Variants in SCAI observed in about 807,000 individuals in gnomAD.
SCAI encodes suppressor of cancer cell invasion.
In SCAI, 24 loss-of-function variants were observed where a neutral mutation model predicts 92.2. The observed-to-expected ratio is 0.26, with a 90% CI of 0.19 to 0.37. The LOEUF is 0.37. Ranked by LOEUF, SCAI falls within the 10% of genes least tolerant of loss-of-function variation. The probability of loss-of-function intolerance (pLI) is 1.00; values close to 1 mark genes in which losing one functional copy is unlikely to be tolerated. For missense variants in SCAI, 450 were observed against 736.2 expected (o/e 0.61, Z 4.50); for synonymous variants, 261 against 258.6 (o/e 1.01, Z -0.09).
intron 3 of SCAI, among the ~76,000 whole-genome samples, chr9:125,045,311 C>T (rs965425881): frequency 1.2e-4 from 19 of 152,220 alleles, no homozygotes; most frequent in African/African-American, 4.6e-4. Flanking sequence ...AGTGATCTGC[C>T]TACCTCAGCC....
intron 2 of SCAI, among the ~76,000 whole-genome samples, chr9:125,126,897 A>G (rs756692183): frequency 4.6e-5 from 7 of 152,224 alleles, no homozygotes; most frequent in Non-Finnish European, 7.3e-5. Flanking sequence ...CCCCAAGATG[A>G]TAGTCCTATT....
At chr9:124,984,469 G>T (rs1831947485) in intron 14 of SCAI, among the ~76,000 whole-genome samples, 1 of 152,230 alleles carries the variant, frequency 6.6e-6, no homozygotes, top group Admixed American at 6.5e-5. Context: ...TCAGGTGAAT[G>T]ATGATGGTGG....
intron 7 of SCAI, 86 bp from the exon 8 acceptor site, chr9:125,019,291 G>A (rs901506512): frequency 1.8e-4 from 131 of 712,256 alleles, no homozygotes; most frequent in Admixed American, 5.3e-4. Flanking sequence ...GACAGAAACC[G>A]ACATACTTAC....
At chr9:125,097,006 A>T (rs1834570963) in intron 2 of SCAI, among the ~76,000 whole-genome samples, 1 of 152,240 alleles carries the variant, frequency 6.6e-6, no homozygotes, top group Admixed American at 6.5e-5. Context: ...AAGTAGGGAA[A>T]GAATTTTAAA....
intron 2 of SCAI, among the ~76,000 whole-genome samples, chr9:125,133,456 C>G (rs1352275117): frequency 1.3e-5 from 2 of 152,064 alleles, no homozygotes; most frequent in Non-Finnish European, 1.5e-5. Flanking sequence ...ACTCTTACAA[C>G]TATGTAAGAA....
rs995239941 is a variant in SCAI, at chr9:124,943,224, T to A, written c.*9583A>T. 2 of 152,208 alleles carry A rather than the reference T, an allele frequency of 1.3e-5. No individual in the cohort carries two copies. The highest frequency in any genetic ancestry group is 6.5e-5 in the Admixed American group (1 of 15,274). The allele number at this position is 152,208 out of a possible 1,614,324, so 9.4% of individuals were successfully genotyped here. Reference sequence around the variant, plus strand: ...GATAGTGACAGTATAATTTTCCCCTTAGTCATTGGTAGTAAATAGCCCCTT... The same window carrying A: ...GATAGTGACAGTATAATTTTCCCCTAAGTCATTGGTAGTAAATAGCCCCTT... On this transcript the variant is annotated 3_prime_UTR_variant, in exon 18 of 18. Coordinates refer to ENST00000336505, the MANE Select transcript of SCAI (RefSeq NM_001144877.3).
chr9:125,068,153 A>G (rs918701121), intron 2 of SCAI, among the ~76,000 whole-genome samples: 1 of 152,210 alleles, frequency 6.6e-6, no homozygotes, highest in Non-Finnish European at 1.5e-5. Context: ...TGTGATTTTA[A>G]CCAAAAATAA....
At chr9:125,120,356 A>AT (rs1835133585) in intron 2 of SCAI, among the ~76,000 whole-genome samples, 2 of 152,318 alleles carry the variant, frequency 1.3e-5, no homozygotes, top group African/African-American at 4.8e-5. Context: ...AATGAATTCA[A>AT]TGGCCTACAA....
chr9:125,016,265 G>A (rs923730646), intron 9 of SCAI, among the ~76,000 whole-genome samples: 1 of 150,610 alleles, frequency 6.6e-6, no homozygotes, highest in African/African-American at 2.4e-5. Flanking sequence ...GCACACACCT[G>A]TAGTCCCATC....
At chr9:125,063,852 C>T (rs1833825995) in intron 2 of SCAI, among the ~76,000 whole-genome samples, 1 of 151,406 alleles carries the variant, frequency 6.6e-6, no homozygotes, top group African/African-American at 2.4e-5. Flanking sequence ...CTCCCAGGTT[C>T]AAGTGATTTT....
At chr9:124,968,769 T>C in intron 17 of SCAI, 2 of 988,904 alleles carry the variant, frequency 2.0e-6, no homozygotes, top group South Asian at 2.6e-5. Flanking sequence ...ACTGGCATGG[T>C]GGGGTGCGCA....
Position 125,012,621 on chromosome 9 carries a change from G to A in SCAI, c.861+6178C>T, listed in dbSNP as rs563305998. ...CACTGTCAACATTAGACAGATCAAC[G>A]AGACAGAAAGTTAACAAGGATACCC... On this transcript the variant is annotated intron_variant, in intron 9 of 17. Coordinates refer to ENST00000336505, the MANE Select transcript of SCAI (RefSeq NM_001144877.3). 7.9e-5 allele frequency among the ~76,000 whole-genome samples: 12 copies of A among 151,920 alleles called. No homozygotes were observed. The South Asian group carries it at 2.1e-3, about 26-fold the overall frequency.
intron 2 of SCAI, among the ~76,000 whole-genome samples, chr9:125,075,164 A>G (rs1472027159): frequency 6.6e-6 from 1 of 152,212 alleles, no homozygotes; most frequent in Admixed American, 6.5e-5. Context: ...AGACGGATGT[A>G]AGGAAGCATG....
chr9:125,127,528 C>T (rs775322693), intron 2 of SCAI, among the ~76,000 whole-genome samples: 1 of 151,970 alleles, frequency 6.6e-6, no homozygotes, highest in African/African-American at 2.4e-5. Context: ...CCACACCTGC[C>T]CCCAAGGGCA....
intron 2 of SCAI, among the ~76,000 whole-genome samples, chr9:125,120,784 G>A (rs1240080410): frequency 6.6e-6 from 1 of 152,076 alleles, no homozygotes; most frequent in Non-Finnish European, 1.5e-5. Flanking sequence ...TAAGGCAGGA[G>A]GATCGCTTGA....
chr9:125,102,689 C>T (rs7862905), intron 2 of SCAI, among the ~76,000 whole-genome samples: 5,053 of 152,232 alleles, frequency 0.033, 246 homozygotes, highest in African/African-American at 0.11. Flanking sequence ...CCTCCACCTC[C>T]CAGGTTCACG....
chr9:125,143,420 C>T lies in SCAI; in HGVS notation c.18G>A (p.Arg6=). The T allele has an allele frequency of 1.4e-6, 2 of 1,399,506 alleles. No homozygotes were observed. Among genetic ancestry groups the T allele is most frequent in the South Asian group, 1.5e-5 (1 of 65,852 alleles). The allele number at this position is 1,399,506 out of a possible 1,614,324, so 86.7% of individuals were successfully genotyped here. A position where few individuals can be genotyped will look rare whatever the true frequency, so the allele number is the denominator to read the frequency against. MVRGA[R]QPQQPRSRLA... Reference sequence around the variant, plus strand: ...GGCGACTCCGCGGCTGCTGGGGCTGCCGGGCTCCTCTGACCATCCGGCTCC... The same window carrying T: ...GGCGACTCCGCGGCTGCTGGGGCTGTCGGGCTCCTCTGACCATCCGGCTCC... Residue 6 remains arginine, a synonymous_variant, in exon 1 of 18, where the codon CGG becomes CGA. Coordinates refer to ENST00000336505, the MANE Select transcript of SCAI (RefSeq NM_001144877.3).
At chr9:125,099,014 G>A (rs751142827) in intron 2 of SCAI, among the ~76,000 whole-genome samples, 11 of 151,904 alleles carry the variant, frequency 7.2e-5, no homozygotes, top group South Asian at 2.1e-4. Flanking sequence ...TGTCTTTACC[G>A]CAAATGTTTT....
chr9:124,998,013 C>T (rs1284296386), intron 13 of SCAI, among the ~76,000 whole-genome samples: 1 of 151,834 alleles, frequency 6.6e-6, no homozygotes, highest in African/African-American at 2.4e-5. Context: ...CTAAGTTGCC[C>T]AGGATGGTCT....
Sources: gnomAD v4.1 joint callset for allele counts (sites outside exome capture counted in the v4.1 genomes callset) on GRCh38, gnomAD v4.1.1 for gene constraint, MANE v1.5 for transcripts, NCBI Gene and HGNC (gene_info 2026-07-23, HGNC 2026-07-21) for gene names.